Variants in KIAA1217 observed in about 807,000 individuals in gnomAD.
KIAA1217 encodes KIAA1217.
KIAA1217 carries 88 observed loss-of-function variants against 163.9 expected under a neutral mutation model. The observed-to-expected ratio is 0.54, with a 90% confidence interval of 0.45 to 0.64. The LOEUF (loss-of-function observed/expected upper bound fraction) is 0.64, where lower values mean the gene tolerates loss of function less well. Ranked by LOEUF, KIAA1217 falls within the 30% of genes least tolerant of loss-of-function variation. KIAA1217 has a pLI of 0.00. For synonymous variants in KIAA1217, 903 were observed against 923.1 expected (o/e 0.98, Z 0.39); for missense variants, 2,372 against 2,475.0 (o/e 0.96, Z 0.88).
intron 2 of KIAA1217, among the ~76,000 whole-genome samples, chr10:24,053,654 C>T (rs988536386): frequency 1.6e-4 from 25 of 152,052 alleles, no homozygotes; most frequent in Non-Finnish European, 7.3e-5. Context: ...AGAAAGAAAC[C>T]TATTTAACCA....
chr10:23,922,958 T>C (rs1253594549), intron 1 of KIAA1217, among the ~76,000 whole-genome samples: 1 of 152,146 alleles, frequency 6.6e-6, no homozygotes, highest in Non-Finnish European at 1.5e-5. Flanking sequence ...TTATTTTATT[T>C]TAATAGTTTT....
chr10:24,387,740 A>C (rs1215514541), intron 3 of KIAA1217, among the ~76,000 whole-genome samples: 17 of 152,186 alleles, frequency 1.1e-4, no homozygotes, highest in African/African-American at 4.1e-4. Flanking sequence ...AAAAATCACA[A>C]GCATTCCTAT....
At chr10:24,377,186 G>A (rs1469816910) in intron 2 of KIAA1217, among the ~76,000 whole-genome samples, 1 of 152,170 alleles carries the variant, frequency 6.6e-6, no homozygotes, top group East Asian at 1.9e-4. Flanking sequence ...CCCCCTTCAT[G>A]CATGACCCCA....
chr10:24,439,487 T>C (rs1197803497), intron 5 of KIAA1217, among the ~76,000 whole-genome samples: 4 of 152,224 alleles, frequency 2.6e-5, no homozygotes, highest in African/African-American at 9.7e-5. Context: ...ACATATTAGT[T>C]TCCTGTTGCT....
At chr10:23,944,299 C>T (rs1327572053) in intron 1 of KIAA1217, among the ~76,000 whole-genome samples, 1 of 152,168 alleles carries the variant, frequency 6.6e-6, no homozygotes, top group African/African-American at 2.4e-5. Flanking sequence ...ATGGCACACA[C>T]CTGTATTCCC....
intron 1 of KIAA1217, among the ~76,000 whole-genome samples, chr10:23,949,486 T>G (rs1037719704): frequency 2.0e-5 from 3 of 152,236 alleles, no homozygotes; most frequent in African/African-American, 7.2e-5. Context: ...TTACTTATAT[T>G]TGTACAGAAT....
chr10:24,475,371 C>A (rs148286527), intron 6 of KIAA1217, among the ~76,000 whole-genome samples: 1,624 of 152,262 alleles, frequency 0.011, 36 homozygotes, highest in African/African-American at 0.038. Context: ...GACCTGTCTA[C>A]CTTACTGTTT....
chr10:24,205,653 G>C (rs1407530189), upstream of KIAA1217, among the ~76,000 whole-genome samples: 3 of 150,660 alleles, frequency 2.0e-5, no homozygotes, highest in Admixed American at 1.3e-4. Flanking sequence ...TGTGCCTGTA[G>C]TCCCAGCTAC....
At chr10:23,987,892 T>A (rs752799201) in intron 1 of KIAA1217, among the ~76,000 whole-genome samples, 3 of 152,168 alleles carry the variant, frequency 2.0e-5, no homozygotes, top group Non-Finnish European at 4.4e-5. Flanking sequence ...ATTTTAAAGG[T>A]GGTTTGCAAA....
chr10:24,519,927 G>A (rs1048738069), intron 10 of KIAA1217, among the ~76,000 whole-genome samples, 196 bp from the exon 11 acceptor site: 1 of 152,072 alleles, frequency 6.6e-6, no homozygotes, highest in African/African-American at 2.4e-5. Context: ...CCTTGTACCT[G>A]CCTCACACCA....
At chr10:23,845,087 G>C (rs562482038) in intron 1 of KIAA1217, among the ~76,000 whole-genome samples, 100 of 152,176 alleles carry the variant, frequency 6.6e-4, no homozygotes, top group African/African-American at 2.3e-3. Flanking sequence ...TTATGACTGC[G>C]TAGTATTCCG....
At chr10:24,495,313 A>T in intron 8 of KIAA1217, 117 bp downstream of exon 8, 1 of 705,564 alleles carries the variant, frequency 1.4e-6, no homozygotes, top group Non-Finnish European at 2.4e-6. Context: ...ATGTCAGGGG[A>T]TTCCTAGATA....
At chr10:23,784,884 C>T (rs1235784177) in intron 1 of KIAA1217, among the ~76,000 whole-genome samples, 2 of 152,000 alleles carry the variant, frequency 1.3e-5, no homozygotes, top group East Asian at 3.9e-4. Flanking sequence ...GACCTTTTCC[C>T]CTATGTGAAT....
rs768336128 is a variant in KIAA1217 at position 24,495,106 on chromosome 10, T to C, written c.1785-41T>C. On this transcript the variant is annotated intron_variant, in intron 7 of 20. Transcript: ENST00000376454. ...GCTTTAAAAAAAAAAAAAAAGGCAT[T>C]TTGGAAACTGCATAGCTGACTCTCT... is the stretch of plus-strand genomic sequence containing the variant. 1.2e-5 allele frequency: 18 copies of C among 1,559,814 alleles called. No homozygotes were observed. In the African/African-American group the frequency reaches 2.2e-4, roughly 19 times the overall value.
intron 3 of KIAA1217, among the ~76,000 whole-genome samples, chr10:24,418,150 T>A (rs1263136990): frequency 6.6e-6 from 1 of 151,526 alleles, no homozygotes; most frequent in East Asian, 1.9e-4. Flanking sequence ...GTAGAGATCA[T>A]CTCATCATAT....
chr10:24,267,489 T>C (rs1411778951), intron 2 of KIAA1217, among the ~76,000 whole-genome samples: 2 of 152,200 alleles, frequency 1.3e-5, no homozygotes, highest in African/African-American at 4.8e-5. Context: ...TCTATACCTA[T>C]ATCTGTAGAG....
intron 6 of KIAA1217, among the ~76,000 whole-genome samples, chr10:24,480,144 C>G (rs2064491339): frequency 6.6e-6 from 1 of 152,220 alleles, no homozygotes; most frequent in East Asian, 1.9e-4. Flanking sequence ...TCAAAGACAT[C>G]TCTAGATATT....
chr10:24,231,919 A>G (rs935162730), intron 2 of KIAA1217, among the ~76,000 whole-genome samples: 1 of 150,684 alleles, frequency 6.6e-6, no homozygotes, highest in Non-Finnish European at 1.5e-5. Flanking sequence ...TCAGCCTCCC[A>G]TATAGCTGGG....
chr10:23,996,278 T>C (rs932519922), intron 1 of KIAA1217, among the ~76,000 whole-genome samples: 2 of 152,160 alleles, frequency 1.3e-5, no homozygotes. Flanking sequence ...AATCAAGTTA[T>C]TGTAGTTGTG....
Sources: gnomAD v4.1 joint callset for allele counts (sites outside exome capture counted in the v4.1 genomes callset) on GRCh38, gnomAD v4.1.1 for gene constraint, MANE v1.5 for transcripts, NCBI Gene and HGNC (gene_info 2026-07-23, HGNC 2026-07-21) for gene names.